IFT80: variants seen among roughly 807,000 people sequenced by gnomAD.
IFT80 encodes the protein intraflagellar transport 80, also known as intraflagellar transport protein 80 homolog.
In IFT80, 79 loss-of-function variants were observed where a neutral mutation model predicts 107.9. The ratio of observed to expected loss-of-function variants is 0.73; its 90% CI spans 0.61 to 0.88. The LOEUF (loss-of-function observed/expected upper bound fraction) is 0.88, where lower values mean the gene tolerates loss of function less well. IFT80 is among the 40% of genes least tolerant of loss of function. The pLI is 0.00. For synonymous variants in IFT80, 299 were observed against 300.9 expected, an observed-to-expected ratio of 0.99 and a Z score of 0.07; for missense variants, 797 against 914.2, an observed-to-expected ratio of 0.87 and a Z score of 1.65.
intron 8 of IFT80, 86 bp from the exon 9 acceptor site, chr3:160,320,025 A>G: frequency 1.1e-6 from 1 of 882,558 alleles, no homozygotes; most frequent in Non-Finnish European, 1.8e-6. Context: ...CAACGTAATA[A>G]GATCATTTTT....
At chr3:160,342,096 T>C (rs955787793) in intron 8 of IFT80, among the ~76,000 whole-genome samples, 5 of 152,076 alleles carry the variant, frequency 3.3e-5, no homozygotes, top group African/African-American at 1.2e-4. Flanking sequence ...AACACACTAA[T>C]ACTTATAAGA....
At chr3:160,287,223 A>G (rs558165296) in intron 12 of IFT80, among the ~76,000 whole-genome samples, 8 of 152,304 alleles carry the variant, frequency 5.3e-5, no homozygotes, top group Admixed American at 4.6e-4. Flanking sequence ...AACTGTAATA[A>G]TAAGTATAGC....
chr3:160,381,629 T>C lies in IFT80; in HGVS notation c.133A>G (p.Ser45Gly), dbSNP rs543362236. The C allele has an allele frequency of 4.3e-6, 7 of 1,612,926 alleles. No individual in the cohort carries two copies. The South Asian group carries it at 7.7e-5, about 18-fold the overall frequency. Residue 45 changes from serine to glycine, a missense_variant, in exon 3 of 20, where the codon AGT (serine) becomes GGT (glycine). Physicochemically the swap from Ser to Gly is moderately conservative, Grantham distance 56 (BLOSUM62 0). Transcript: ENST00000326448. ...HQIVKWNLLT[S>G]ETTQIVKLPD... The stretch of plus-strand genomic sequence containing the variant: ...AGCTTTACTATTTGAGTTGTTTCAC[T>C]GGTTAACAAGTTCCACTTCACTATC...
intron 1 of IFT80, among the ~76,000 whole-genome samples, chr3:160,397,134 A>G (rs1331858935): frequency 6.6e-6 from 1 of 152,230 alleles, no homozygotes; most frequent in Non-Finnish European, 1.5e-5. Flanking sequence ...ACTCTGAACC[A>G]TCACAATCTA....
intron 8 of IFT80, among the ~76,000 whole-genome samples, chr3:160,338,105 G>A (rs1181593981): frequency 1.3e-5 from 2 of 151,980 alleles, no homozygotes; most frequent in African/African-American, 4.8e-5. Context: ...AAATAAGGTG[G>A]CTTCAACCAC....
intron 18 of IFT80, among the ~76,000 whole-genome samples, chr3:160,271,893 C>T (rs977352060): frequency 6.6e-6 from 1 of 151,384 alleles, no homozygotes; most frequent in Admixed American, 6.6e-5. Flanking sequence ...AAAACCACTA[C>T]AGCCAGTCAT....
At chr3:160,357,219 C>A (rs1300221506) in intron 7 of IFT80, among the ~76,000 whole-genome samples, 2 of 152,164 alleles carry the variant, frequency 1.3e-5, no homozygotes, top group Non-Finnish European at 2.9e-5. Flanking sequence ...CTCACCTCAG[C>A]CTCCCAAGTA....
At chr3:160,270,672 C>T (rs562592598) in intron 18 of IFT80, among the ~76,000 whole-genome samples, 5 of 152,196 alleles carry the variant, frequency 3.3e-5, no homozygotes, top group South Asian at 2.1e-4. Flanking sequence ...AAGCAATTCA[C>T]GGAGGCTCAA....
At chr3:160,349,819 C>A (rs911319584) in intron 8 of IFT80, among the ~76,000 whole-genome samples, 3 of 152,006 alleles carry the variant, frequency 2.0e-5, no homozygotes, top group African/African-American at 7.2e-5. Context: ...TAAATTGACA[C>A]CATTAAGAGT....
chr3:160,366,747 C>T (rs940758667), intron 5 of IFT80, among the ~76,000 whole-genome samples: 1 of 151,932 alleles, frequency 6.6e-6, no homozygotes, highest in African/African-American at 2.4e-5. Context: ...TACAGGCATA[C>T]AATACATAAC....
chr3:160,279,477 A>T (rs1714522985), intron 15 of IFT80, 113 bp from the exon 16 acceptor site: 4 of 814,142 alleles, frequency 4.9e-6, no homozygotes, highest in Non-Finnish European at 8.3e-6. Flanking sequence ...TCCAATCTCC[A>T]AAAGGCACAC....
chr3:160,358,653 C>T (rs1490588518), intron 6 of IFT80, among the ~76,000 whole-genome samples: 1 of 152,044 alleles, frequency 6.6e-6, no homozygotes, highest in African/African-American at 2.4e-5. Context: ...CGTGCCCAGC[C>T]ATGGATTCTT....
At chr3:160,305,605 T>C (rs895555744) in intron 10 of IFT80, among the ~76,000 whole-genome samples, 8 of 152,106 alleles carry the variant, frequency 5.3e-5, no homozygotes, top group Admixed American at 3.9e-4. Context: ...ATAAATGCCA[T>C]GGAAACATAA....
At chr3:160,362,113 A>G (rs2108370550) in intron 6 of IFT80, among the ~76,000 whole-genome samples, 1 of 152,322 alleles carries the variant, frequency 6.6e-6, no homozygotes, top group Admixed American at 6.5e-5. Context: ...AAGATCCACA[A>G]AATTGATAGA....
At chr3:160,286,969 G>C (rs1375353601) in intron 12 of IFT80, among the ~76,000 whole-genome samples, 1 of 152,132 alleles carries the variant, frequency 6.6e-6, no homozygotes, top group Non-Finnish European at 1.5e-5. Context: ...ATCAGATCAA[G>C]CATGTGGTTA....
intron 6 of IFT80, among the ~76,000 whole-genome samples, chr3:160,359,499 G>GT (rs1382261829): frequency 6.6e-6 from 1 of 152,230 alleles, no homozygotes; most frequent in East Asian, 1.9e-4. Flanking sequence ...CCAGCACGGC[G>GT]TTTGAGCTCT....
At chr3:160,357,898 A>G (rs1225155160) in intron 6 of IFT80, among the ~76,000 whole-genome samples, 2 of 152,234 alleles carry the variant, frequency 1.3e-5, no homozygotes, top group Non-Finnish European at 2.9e-5. Flanking sequence ...CACTGAATGA[A>G]TATGTTATGT....
At chr3:160,311,018 G>A (rs908022810) in intron 9 of IFT80, among the ~76,000 whole-genome samples, 3 of 152,104 alleles carry the variant, frequency 2.0e-5, no homozygotes, top group Non-Finnish European at 2.9e-5. Flanking sequence ...CCAGCTACTC[G>A]GGAGGCTGAA....
intron 6 of IFT80, 40 bp downstream of exon 6, chr3:160,366,003 G>A: frequency 6.7e-7 from 1 of 1,496,750 alleles, no homozygotes; most frequent in Non-Finnish European, 9.3e-7. Flanking sequence ...TTAGCAGTCA[G>A]GCAGACCCTG....
Sources: allele counts gnomAD v4.1 joint callset (sites outside exome capture counted in the v4.1 genomes callset), GRCh38; gene constraint gnomAD v4.1.1; transcripts MANE v1.5; gene names NCBI Gene and HGNC (gene_info 2026-07-23, HGNC 2026-07-21).